The following MED7 variants were observed in gnomAD, a reference collection of about 807,000 sequenced individuals.
The protein encoded by MED7 is mediator complex subunit 7.
In MED7, 7 loss-of-function variants were observed where a neutral mutation model predicts 16.6. The observed-to-expected ratio is 0.42, with a 90% CI of 0.24 to 0.79. MED7 has a LOEUF of 0.79. Ranked by LOEUF, MED7 falls within the 30% of genes least tolerant of loss-of-function variation. MED7 has a pLI of 0.27. For synonymous variants in MED7, 88 were observed against 90.5 expected (o/e 0.97, Z 0.16); for missense variants, 240 against 286.3 (o/e 0.84, Z 1.17).
At chr5:157,141,132 G>C (rs1757716415) in intron 1 of MED7, among the ~76,000 whole-genome samples, 1 of 152,116 alleles carries the variant, frequency 6.6e-6, no homozygotes, top group Non-Finnish European at 1.5e-5. Context: ...CCAGGTTGGA[G>C]TGCAGTGGCA....
chr5:157,138,896 T>A lies in MED7; in HGVS notation c.536A>T (p.Glu179Val). ...ASLPDDLPHS[E>V]AGMRVKTEPM... Reference sequence around the variant, plus strand: ...TTCAGTTTTTACTCTCATTCCTGCTTCTGAATGAGGCAAATCATCAGGCAA... The same window carrying A: ...TTCAGTTTTTACTCTCATTCCTGCTACTGAATGAGGCAAATCATCAGGCAA... Residue 179 changes from glutamate to valine, a missense_variant, in exon 2 of 2, where the codon GAA becomes GTA. By Grantham distance (121) the Glu-to-Val change is moderately radical. Transcript: ENST00000286317. 6.2e-7 allele frequency: 1 copy of A among 1,614,176 alleles called. No individual in the cohort carries two copies. Among genetic ancestry groups the A allele is most frequent in the Non-Finnish European group, 8.5e-7 (1 of 1,180,042 alleles).
In MED7 at chr5:157,138,175, G is replaced by A. The variant is rs913913228; in HGVS notation, c.*555C>T. The A allele has an allele frequency of 6.6e-6, 1 of 152,244 alleles. No homozygotes were observed. Among genetic ancestry groups the A allele is most frequent in the Non-Finnish European group, 1.5e-5 (1 of 68,066 alleles). The allele number at this position is 152,244 out of a possible 1,614,324, so 9.4% of individuals were successfully genotyped here. ...AACAATTTATGGGACTTCCCTGCAA[G>A]AGTCCATTCAGGATAGGGAGAAAAG... On this transcript the variant is annotated 3_prime_UTR_variant, in exon 2 of 2. Transcript: ENST00000286317.
chr5:157,140,063 C>A (rs1010806628), intron 1 of MED7, among the ~76,000 whole-genome samples: 1 of 152,164 alleles, frequency 6.6e-6, no homozygotes, highest in South Asian at 2.1e-4. Context: ...GGCTAGAGTG[C>A]AGTGGTGCAA....
chr5:157,142,116 T>C (rs1166651432), intron 1 of MED7, among the ~76,000 whole-genome samples: 1 of 152,204 alleles, frequency 6.6e-6, no homozygotes, highest in Non-Finnish European at 1.5e-5. Context: ...CTTTCTCTAC[T>C]GTCTCTCTAG....
rs36073794 is a variant in MED7 at position 157,138,869 on chromosome 5, G to A, written c.563C>T (p.Pro188Leu). The change falls in exon 2 of 2, where the codon CCA becomes CTA. Residue 188 changes from proline to leucine, a missense_variant. Transcript: ENST00000286317. ...ATTGTTGCTATCATCAGCATCCATT[G>A]GTTCAGTTTTTACTCTCATTCCTGC... Reference protein sequence around the residue: ...SEAGMRVKTEPMDADDSNNCT... With the variant: ...SEAGMRVKTELMDADDSNNCT... 2.5e-4 allele frequency: 399 copies of A among 1,614,026 alleles called. 2 individuals are homozygous for A. In the African/African-American group the frequency reaches 4.2e-3, roughly 17 times the overall value.
At position 157,138,408 on chromosome 5, in the gene MED7, TC is replaced by T. The variant is rs774571784; in HGVS notation, c.*321del. On this transcript the variant is annotated 3_prime_UTR_variant, in exon 2 of 2. Transcript: ENST00000286317. Reference sequence around the variant, plus strand: ...TATCATTCTTAAAGCAAATGCTAAATCCCCTTTTCAAAGACGAAAACTTTGC... The same window carrying T: ...TATCATTCTTAAAGCAAATGCTAAATCCCTTTTCAAAGACGAAAACTTTGC... The T allele has an allele frequency of 8.8e-6, 2 of 226,696 alleles. No homozygotes were observed. The highest frequency in any genetic ancestry group is 1.7e-5 in the Non-Finnish European group (2 of 117,570). The allele number at this position is 226,696 out of a possible 1,614,324, so 14.0% of individuals were successfully genotyped here.
intron 1 of MED7, among the ~76,000 whole-genome samples, chr5:157,140,467 G>T (rs1378904436): frequency 2.6e-5 from 4 of 152,074 alleles, no homozygotes; most frequent in African/African-American, 4.8e-5. Flanking sequence ...CTTTAGATTG[G>T]TGTTATCAGA....
Position 157,138,868 on chromosome 5 carries a change from T to G in MED7, c.564A>C (p.Pro188=), listed in dbSNP as rs936907264. The G allele has an allele frequency of 6.2e-7, 1 of 1,614,076 alleles. No individual in the cohort carries two copies. The highest frequency in any genetic ancestry group is 8.5e-7 in the Non-Finnish European group (1 of 1,180,044). Residue 188 remains proline (P), a synonymous_variant, in exon 2 of 2, where the codon CCA becomes CCC. Transcript: ENST00000286317. Reference sequence around the variant, plus strand: ...AATTGTTGCTATCATCAGCATCCATTGGTTCAGTTTTTACTCTCATTCCTG... The same window carrying G: ...AATTGTTGCTATCATCAGCATCCATGGGTTCAGTTTTTACTCTCATTCCTG... ...SEAGMRVKTE[P]MDADDSNNCT...
intron 1 of MED7, among the ~76,000 whole-genome samples, chr5:157,140,109 G>A (rs2113711986): frequency 6.6e-6 from 1 of 152,248 alleles, no homozygotes; most frequent in Non-Finnish European, 1.5e-5. Context: ...TCCGCCTCCT[G>A]GGCTCAAGCA....
chr5:157,138,825 G>A lies in MED7; in HGVS notation c.607C>T (p.His203Tyr), dbSNP rs1257572837. The change falls in exon 2 of 2, where the codon CAT (histidine) becomes TAT (tyrosine). Residue 203 changes from histidine to tyrosine, a missense_variant. Physicochemically the swap from His to Tyr is moderately conservative, Grantham distance 83 (BLOSUM62 2). Transcript: ENST00000286317. The part of the protein sequence containing the change: ...DSNNCTGQNE[H>Y]QRENSGHRRD... ...CTATGACCTGAATTTTCTCTTTGATGTTCATTCTGTCCAGTACAATTGTTG... is the reference window on the plus strand; with the variant it reads ...CTATGACCTGAATTTTCTCTTTGATATTCATTCTGTCCAGTACAATTGTTG... The A allele has an allele frequency of 6.2e-7, 1 of 1,614,054 alleles. No homozygotes were observed. The highest frequency in any genetic ancestry group is 1.7e-5 in the Admixed American group (1 of 60,016).
chr5:157,141,763 T>C (rs1281751291), intron 1 of MED7, among the ~76,000 whole-genome samples: 1 of 151,978 alleles, frequency 6.6e-6, no homozygotes, highest in African/African-American at 2.4e-5. Flanking sequence ...CTAATTTTTG[T>C]ATTTCTCGGT....
intron 1 of MED7, among the ~76,000 whole-genome samples, chr5:157,141,215 G>T (rs1757718275): frequency 6.6e-6 from 1 of 151,980 alleles, no homozygotes. Context: ...TGAGTAGCTA[G>T]GACTACAGGC....
At chr5:157,141,084 AT>A (rs35366752) in intron 1 of MED7, among the ~76,000 whole-genome samples, 32,395 of 150,108 alleles carry the variant, frequency 0.22, 4,923 homozygotes, top group African/African-American at 0.44. Context: ...TTCAAAATAC[AT>A]TTTTTTTTTC....
intron 1 of MED7, among the ~76,000 whole-genome samples, chr5:157,140,160 C>G (rs550560428): frequency 6.6e-6 from 1 of 152,150 alleles, no homozygotes; most frequent in Admixed American, 6.5e-5. Flanking sequence ...GGATTACAGG[C>G]GTGCACCATG....
intron 1 of MED7, among the ~76,000 whole-genome samples, chr5:157,140,171 T>G (rs1440791543): frequency 6.6e-6 from 1 of 151,972 alleles, no homozygotes; most frequent in Non-Finnish European, 1.5e-5. Context: ...GTGCACCATG[T>G]CTGGCTAATT....
In MED7 at chr5:157,139,345, G is replaced by A. The variant is rs751105091; in HGVS notation, c.87C>T (p.Gly29=). The change falls in exon 2 of 2, where the codon GGC becomes GGT. Residue 29 remains glycine, a synonymous_variant. Coordinates refer to ENST00000286317, the MANE Select transcript of MED7 (RefSeq NM_004270.5). ...KEYTDENIQE[G]LAPKPPPPIK... ...TTGGAGGGGGAGGCTTGGGAGCTAAGCCTTCTTGAATATTTTCATCCGTAT... is the reference window on the plus strand; with the variant it reads ...TTGGAGGGGGAGGCTTGGGAGCTAAACCTTCTTGAATATTTTCATCCGTAT... The A allele has an allele frequency of 6.2e-7, 1 of 1,613,478 alleles. No homozygotes were observed. Among genetic ancestry groups the A allele is most frequent in the Non-Finnish European group, 8.5e-7 (1 of 1,179,814 alleles).
chr5:157,139,999 T>C (rs931078622), intron 1 of MED7, among the ~76,000 whole-genome samples: 2 of 152,198 alleles, frequency 1.3e-5, no homozygotes, highest in Non-Finnish European at 2.9e-5. Context: ...CAATTTTATA[T>C]GGACACATTA....
chr5:157,141,682 G>A (rs999234072), intron 1 of MED7, among the ~76,000 whole-genome samples: 6 of 152,048 alleles, frequency 3.9e-5, no homozygotes, highest in Admixed American at 3.3e-4. Flanking sequence ...TCTGCCTCCC[G>A]GGTTCAAGGG....
chr5:157,142,297 C>A (rs1351042208), intron 1 of MED7: 1 of 152,188 alleles, frequency 6.6e-6, no homozygotes, highest in Non-Finnish European at 1.5e-5. Context: ...AGATTTGATT[C>A]ATTCTGTCTA....
Sources: gnomAD v4.1 joint callset for allele counts (sites outside exome capture counted in the v4.1 genomes callset) on GRCh38, gnomAD v4.1.1 for gene constraint, MANE v1.5 for transcripts, NCBI Gene and HGNC (gene_info 2026-07-23, HGNC 2026-07-21) for gene names.